TRAPPC9: variants seen among roughly 807,000 people sequenced by gnomAD.
The protein encoded by TRAPPC9 is trafficking protein particle complex subunit 9.
TRAPPC9 carries 83 observed loss-of-function variants against 124.0 expected under a neutral mutation model. The observed-to-expected ratio is 0.67, with a 90% CI of 0.56 to 0.80. TRAPPC9 has a LOEUF of 0.80. TRAPPC9 is among the 30% of genes least tolerant of loss of function. The probability of loss-of-function intolerance (pLI) is 0.00; values close to 1 mark genes in which losing one functional copy is unlikely to be tolerated. For synonymous variants in TRAPPC9, 638 were observed against 617.5 expected (o/e 1.03, Z -0.49); for missense variants, 1,302 against 1,508.3 (o/e 0.86, Z 2.27).
intron 17 of TRAPPC9, among the ~76,000 whole-genome samples, chr8:140,114,332 G>GAA (rs59499088): frequency 0.061 from 7,073 of 116,822 alleles, 460 homozygotes; most frequent in African/African-American, 0.14. Flanking sequence ...AAGGACTGAA[G>GAA]AAAAAAAAAA....
chr8:140,121,620 GTTATAA>G (rs913522665), intron 17 of TRAPPC9, among the ~76,000 whole-genome samples: 3 of 152,198 alleles, frequency 2.0e-5, no homozygotes, highest in African/African-American at 7.2e-5. Context: ...TCCTGCCAAT[GTTATAA>G]TTATAGGCAC....
At chr8:139,906,431 C>T (rs908714304) in intron 20 of TRAPPC9, among the ~76,000 whole-genome samples, 9 of 152,178 alleles carry the variant, frequency 5.9e-5, no homozygotes, top group South Asian at 4.1e-4. Flanking sequence ...CTCCAGCACT[C>T]TAGGAGGAGT....
intron 19 of TRAPPC9, among the ~76,000 whole-genome samples, chr8:139,950,347 T>C (rs1006671466): frequency 1.3e-5 from 2 of 152,262 alleles, no homozygotes; most frequent in Non-Finnish European, 2.9e-5. Flanking sequence ...AAGGTGAACC[T>C]GTCAGCAGAT....
chr8:140,067,324 T>C (rs1424323999), intron 17 of TRAPPC9, among the ~76,000 whole-genome samples: 1 of 152,178 alleles, frequency 6.6e-6, no homozygotes. Context: ...TTTGTATTTT[T>C]ACTAGAGACA....
At chr8:140,106,094 C>T (rs570238768) in intron 17 of TRAPPC9, among the ~76,000 whole-genome samples, 241 of 150,990 alleles carry the variant, frequency 1.6e-3, no homozygotes, top group Non-Finnish European at 3.0e-3. Context: ...TGACAAAGTG[C>T]GGGATGATGA....
intron 7 of TRAPPC9, among the ~76,000 whole-genome samples, chr8:140,383,785 A>C (rs2068679207): frequency 6.6e-6 from 1 of 152,236 alleles, no homozygotes; most frequent in Non-Finnish European, 1.5e-5. Context: ...AAAGCAGGCC[A>C]ACATTCAAAT....
chr8:140,373,236 C>T (rs6993512), intron 7 of TRAPPC9, among the ~76,000 whole-genome samples: 9,877 of 152,236 alleles, frequency 0.065, 833 homozygotes, highest in African/African-American at 0.19. Flanking sequence ...GGGAGGATGA[C>T]AATAAATCAA....
At chr8:139,834,800 C>T (rs564679999) in intron 21 of TRAPPC9, among the ~76,000 whole-genome samples, 3 of 152,200 alleles carry the variant, frequency 2.0e-5, no homozygotes, top group Non-Finnish European at 4.4e-5. Context: ...CAGGCACTGT[C>T]ATCATCAGGC....
chr8:140,432,097 C>T (rs1196616299), intron 4 of TRAPPC9, among the ~76,000 whole-genome samples: 1 of 152,014 alleles, frequency 6.6e-6, no homozygotes, highest in Non-Finnish European at 1.5e-5. Flanking sequence ...ATGAAGGAAG[C>T]CTTGTCTAAG....
At chr8:139,821,433 C>T (rs940759866) in intron 21 of TRAPPC9, among the ~76,000 whole-genome samples, 3 of 152,206 alleles carry the variant, frequency 2.0e-5, no homozygotes, top group African/African-American at 4.8e-5. Context: ...AAAATGTCAG[C>T]ATGCGGGTCT....
At position 140,047,976 on chromosome 8, in the gene TRAPPC9, G is replaced by A. The variant is rs545352173; in HGVS notation, c.2557-23897C>T. 3.5e-4 allele frequency among the ~76,000 whole-genome samples: 53 copies of A among 152,314 alleles called. No homozygotes were observed. The Middle Eastern group carries it at 0.01, about 29-fold the overall frequency. On this transcript the variant is annotated intron_variant, in intron 17 of 22. Transcript: ENST00000438773. ...GCCATAGCCACAGGCCCCAGCCAGAGCTCAAACAAGGACGCATGTGCAGCA... is the reference window on the plus strand; with the variant it reads ...GCCATAGCCACAGGCCCCAGCCAGAACTCAAACAAGGACGCATGTGCAGCA...
intron 15 of TRAPPC9, among the ~76,000 whole-genome samples, chr8:140,272,057 GGT>G (rs1230419577): frequency 2.1e-4 from 31 of 146,626 alleles, no homozygotes; most frequent in Admixed American, 7.4e-4. Context: ...TGGTGGTTAT[GGT>G]AGTGATGGTG....
intron 11 of TRAPPC9, among the ~76,000 whole-genome samples, chr8:140,295,952 C>T (rs1393549266): frequency 2.0e-5 from 3 of 152,224 alleles, no homozygotes; most frequent in Non-Finnish European, 4.4e-5. Context: ...ACATCATCCA[C>T]TGAATTTGTC....
chr8:140,356,165 T>C (rs930397041), intron 9 of TRAPPC9, among the ~76,000 whole-genome samples: 1 of 152,162 alleles, frequency 6.6e-6, no homozygotes, highest in Non-Finnish European at 1.5e-5. Context: ...ACGGGGATGC[T>C]CATCAACAAT....
chr8:140,388,310 T>C (rs1477354507), intron 7 of TRAPPC9, among the ~76,000 whole-genome samples: 3 of 147,006 alleles, frequency 2.0e-5, no homozygotes, highest in Admixed American at 6.8e-5. Flanking sequence ...CACACCAACA[T>C]GGCACATGTA....
chr8:139,778,879 T>C (rs1453674285), intron 21 of TRAPPC9, among the ~76,000 whole-genome samples: 2 of 151,902 alleles, frequency 1.3e-5, no homozygotes, highest in African/African-American at 4.8e-5. Flanking sequence ...GTCAAAATTT[T>C]CCCCAAATCC....
At chr8:139,917,501 G>A (rs1452423366) in intron 19 of TRAPPC9, among the ~76,000 whole-genome samples, 3 of 152,100 alleles carry the variant, frequency 2.0e-5, no homozygotes, top group Non-Finnish European at 2.9e-5. Flanking sequence ...CAATTAAAGG[G>A]GAAAGATAAG....
chr8:140,334,998 T>C (rs933526192), intron 9 of TRAPPC9, among the ~76,000 whole-genome samples: 1 of 152,096 alleles, frequency 6.6e-6, no homozygotes, highest in African/African-American at 2.4e-5. Flanking sequence ...TCAGTGTATC[T>C]GAAGTATAGG....
intron 9 of TRAPPC9, among the ~76,000 whole-genome samples, chr8:140,323,896 A>T (rs1563945282): frequency 6.6e-6 from 1 of 151,622 alleles, no homozygotes; most frequent in Non-Finnish European, 1.5e-5. Flanking sequence ...TAAAAAATAT[A>T]TTTTTTTTTA....
Sources: gnomAD v4.1 joint callset for allele counts (sites outside exome capture counted in the v4.1 genomes callset) on GRCh38, gnomAD v4.1.1 for gene constraint, MANE v1.5 for transcripts, NCBI Gene and HGNC (gene_info 2026-07-23, HGNC 2026-07-21) for gene names.